B3GALT5: variants seen among roughly 807,000 people sequenced by gnomAD.
B3GALT5 encodes beta-1,3-galactosyltransferase 5, also known as UDP-Gal:betaGlcNAc beta 1,3-galactosyltransferase, polypeptide 5.
For missense variants in B3GALT5, 328 were observed against 396.6 expected, an observed-to-expected ratio of 0.83 and a Z score of 1.47; for synonymous variants, 156 against 158.6, an observed-to-expected ratio of 0.98 and a Z score of 0.12.
chr21:39,637,155 C>T (rs751295892), intron 1 of B3GALT5, among the ~76,000 whole-genome samples: 4 of 152,212 alleles, frequency 2.6e-5, no homozygotes, highest in Non-Finnish European at 4.4e-5. Context: ...AAAGCTGTGA[C>T]GTTTTCCGAG....
chr21:39,637,591 G>A (rs565504822), intron 1 of B3GALT5, among the ~76,000 whole-genome samples: 13 of 152,296 alleles, frequency 8.5e-5, no homozygotes, highest in Admixed American at 2.6e-4. Context: ...TGGCTACCCC[G>A]CCCAGGGCTT....
At chr21:39,628,775 AT>A (rs1434405893) in intron 1 of B3GALT5, among the ~76,000 whole-genome samples, 1 of 152,244 alleles carries the variant, frequency 6.6e-6, no homozygotes, top group East Asian at 1.9e-4. Context: ...AATGGTCTAG[AT>A]TATGACCTGA....
rs1447254046 is a variant in B3GALT5 at position 39,624,649 on chromosome 21, T to C, written c.-392+11582T>C. ...GGTGGAGGTGCTGATGGAAGGATGG[T>C]GGTGGACATTCCATAGACAATGCTG... On this transcript the variant is annotated intron_variant, in intron 1 of 3. Coordinates refer to ENST00000684187, the MANE Select transcript of B3GALT5 (RefSeq NM_001356336.2). 2.0e-5 allele frequency among the ~76,000 whole-genome samples: 3 copies of C among 152,186 alleles called. No individual in the cohort carries two copies. In the East Asian group the frequency reaches 5.8e-4, roughly 29 times the overall value.
intron 1 of B3GALT5, among the ~76,000 whole-genome samples, chr21:39,644,469 C>T (rs1390871361): frequency 6.6e-6 from 1 of 152,172 alleles, no homozygotes; most frequent in Non-Finnish European, 1.5e-5. Flanking sequence ...CTTCACTCTT[C>T]CCTTTGGCTT....
intron 2 of B3GALT5, among the ~76,000 whole-genome samples, chr21:39,655,070 A>C (rs1047092867): frequency 6.6e-6 from 1 of 152,240 alleles, no homozygotes; most frequent in African/African-American, 2.4e-5. Context: ...TGGAGGCTGG[A>C]AAGTCCCAAG....
chr21:39,625,323 G>C (rs1457382402), intron 1 of B3GALT5, among the ~76,000 whole-genome samples: 1 of 152,184 alleles, frequency 6.6e-6, no homozygotes, highest in African/African-American at 2.4e-5. Context: ...TTCTGAGCCT[G>C]ATGGCTCTAC....
At position 39,615,973 on chromosome 21, in the gene B3GALT5, G is replaced by C. The variant is rs114315235; in HGVS notation, c.-392+2906G>C. On this transcript the variant is annotated intron_variant, in intron 1 of 3. Transcript: ENST00000684187. ...TTTAAAAAATAACATGATTTGAAAAGTAATTCCCAAAAAGTTGTGAGAAGA... is the reference window on the plus strand; with the variant it reads ...TTTAAAAAATAACATGATTTGAAAACTAATTCCCAAAAAGTTGTGAGAAGA... Among the ~76,000 whole-genome samples, 259 of 152,312 alleles carry C rather than the reference G, an allele frequency of 1.7e-3. 3 individuals are homozygous for C. Among genetic ancestry groups the C allele is most frequent in the African/African-American group, 5.6e-3 (231 of 41,564 alleles).
chr21:39,620,780 A>G (rs1430514125), intron 1 of B3GALT5, among the ~76,000 whole-genome samples: 4 of 152,224 alleles, frequency 2.6e-5, no homozygotes, highest in African/African-American at 9.6e-5. Flanking sequence ...TTTGCTTATG[A>G]GAAGATAAAC....
chr21:39,653,569 G>A (rs559598774), intron 2 of B3GALT5, among the ~76,000 whole-genome samples: 278 of 152,318 alleles, frequency 1.8e-3, no homozygotes, highest in Non-Finnish European at 2.0e-3. Context: ...CAGTTTCCCC[G>A]GGTACACCCG....
chr21:39,636,173 G>A (rs1165071840), intron 1 of B3GALT5, among the ~76,000 whole-genome samples: 2 of 152,180 alleles, frequency 1.3e-5, no homozygotes, highest in Non-Finnish European at 2.9e-5. Context: ...AGTATCACAT[G>A]GAATCATTGT....
At position 39,663,085 on chromosome 21, in the gene B3GALT5, AATC is replaced by A. The variant is rs2079544477; in HGVS notation, c.*1595_*1597del. 6.6e-6 allele frequency: 1 copy of A among 152,122 alleles called. No individual in the cohort carries two copies. Among genetic ancestry groups the A allele is most frequent in the Non-Finnish European group, 1.5e-5 (1 of 68,036 alleles). The allele number at this position is 152,122 out of a possible 1,614,324, so 9.4% of individuals were successfully genotyped here. ...AAAAGCCTCCTTCTCAGGTGGAAAA[AATC>A]AGGGACTGAGCTTGTCTTTTGAAGC... On this transcript the variant is annotated 3_prime_UTR_variant, in exon 4 of 4. Transcript: ENST00000684187.
At chr21:39,627,236 T>A (rs1246970549) in intron 1 of B3GALT5, among the ~76,000 whole-genome samples, 1 of 152,184 alleles carries the variant, frequency 6.6e-6, no homozygotes, top group African/African-American at 2.4e-5. Context: ...TGAGGCTCCT[T>A]TGATCTCTGG....
chr21:39,640,006 T>C (rs2079277313), intron 1 of B3GALT5, among the ~76,000 whole-genome samples: 2 of 151,024 alleles, frequency 1.3e-5, no homozygotes, highest in Admixed American at 1.3e-4. Context: ...CCTGGAGGGC[T>C]CATTAGCAAG....
At chr21:39,622,796 C>A (rs2079140746) in intron 1 of B3GALT5, among the ~76,000 whole-genome samples, 1 of 151,682 alleles carries the variant, frequency 6.6e-6, no homozygotes, top group Non-Finnish European at 1.5e-5. Flanking sequence ...CTCTTTTCTT[C>A]ATTTTTTCGT....
intron 1 of B3GALT5, among the ~76,000 whole-genome samples, chr21:39,642,579 C>G (rs754295985): frequency 6.6e-6 from 1 of 152,132 alleles, no homozygotes; most frequent in Non-Finnish European, 1.5e-5. Flanking sequence ...TTGGATGTTT[C>G]TGTTTGCTCT....
At chr21:39,642,873 C>CA (rs1210751363) in intron 1 of B3GALT5, among the ~76,000 whole-genome samples, 8,207 of 99,966 alleles carry the variant, frequency 0.082, 782 homozygotes, top group African/African-American at 0.23. Context: ...CCCATTGCCA[C>CA]AAAAAAAAAA....
chr21:39,620,825 T>C (rs989173605), intron 1 of B3GALT5, among the ~76,000 whole-genome samples: 3 of 152,208 alleles, frequency 2.0e-5, no homozygotes, highest in Non-Finnish European at 4.4e-5. Flanking sequence ...TTGGGGTTGT[T>C]TGTGGCATAA....
At chr21:39,632,731 C>G (rs1207423712) in intron 1 of B3GALT5, among the ~76,000 whole-genome samples, 1 of 152,158 alleles carries the variant, frequency 6.6e-6, no homozygotes, top group East Asian at 1.9e-4. Context: ...ACATTTCCTA[C>G]TAGAGTGGCT....
Position 39,667,252 on chromosome 21 carries a change from C to T in B3GALT5, c.*5760C>T, listed in dbSNP as rs1034982441. 8 of 152,234 alleles carry T rather than the reference C, an allele frequency of 5.3e-5. No individual in the cohort carries two copies. Among genetic ancestry groups the T allele is most frequent in the African/African-American group, 1.9e-4 (8 of 41,462 alleles). 9.4% of individuals were successfully genotyped at this position (152,234 alleles called of 1,614,324 possible). On this transcript the variant is annotated 3_prime_UTR_variant, in exon 4 of 4. Transcript: ENST00000684187. Reference sequence around the variant, plus strand: ...CCGTGAGAGGTCAGACTGGTGATTTCCAACTCCCGCCGGGCACCGGGTGCT... The same window carrying T: ...CCGTGAGAGGTCAGACTGGTGATTTTCAACTCCCGCCGGGCACCGGGTGCT...
Sources: gnomAD v4.1 joint callset for allele counts (sites outside exome capture counted in the v4.1 genomes callset) on GRCh38, gnomAD v4.1.1 for gene constraint, MANE v1.5 for transcripts, NCBI Gene and HGNC (gene_info 2026-07-23, HGNC 2026-07-21) for gene names.